The following ACSM3 variants were observed in gnomAD, a reference collection of about 807,000 sequenced individuals.
The protein encoded by ACSM3 is acyl-CoA synthetase medium chain family member 3, also known as acyl-coenzyme A synthetase ACSM3, mitochondrial.
A neutral mutation model predicts 74.1 loss-of-function variants in ACSM3; 61 were observed. The observed-to-expected ratio is 0.82, with a 90% CI of 0.67 to 1.02. ACSM3 has a LOEUF of 1.02. ACSM3 is among the 50% of genes least tolerant of loss of function. The pLI is 0.00. For synonymous variants in ACSM3, 213 were observed against 241.5 expected, an observed-to-expected ratio of 0.88 and a Z score of 1.09; for missense variants, 660 against 697.0, an observed-to-expected ratio of 0.95 and a Z score of 0.60.
rs975728689 is a variant in ACSM3 at position 20,722,634 on chromosome 16, A to T, written c.-189-27276A>T. Among the ~76,000 whole-genome samples the T allele has an allele frequency of 2.0e-5, 3 of 152,356 alleles. No individual in the cohort carries two copies. The East Asian group carries it at 5.8e-4, about 29-fold the overall frequency. ...AGAAGTGGAAAGGTTCCAGTAGTTT[A>T]ACTTATACATCCATAATCAATACTA... On this transcript the variant is annotated intron_variant, in intron 1 of 3. Transcript: ENST00000561584.
At chr16:20,706,820 C>T (rs2152368465) in intron 1 of ACSM3, among the ~76,000 whole-genome samples, 1 of 152,262 alleles carries the variant, frequency 6.6e-6, no homozygotes. Context: ...ATCTCAGCTG[C>T]AGTAAGCAAT....
At chr16:20,787,361 T>C (rs1392031555) in intron 9 of ACSM3, among the ~76,000 whole-genome samples, 2 of 152,204 alleles carry the variant, frequency 1.3e-5, no homozygotes, top group Admixed American at 1.3e-4. Flanking sequence ...CCATTTTAAT[T>C]CAGAGACCCA....
intron 1 of ACSM3, among the ~76,000 whole-genome samples, chr16:20,719,560 G>A (rs1469303768): frequency 2.6e-5 from 4 of 152,114 alleles, no homozygotes; most frequent in African/African-American, 9.7e-5. Flanking sequence ...AGAGTGGGGC[G>A]GGGTGGGGGA....
At chr16:20,709,506 T>C (rs2079737147) in intron 1 of ACSM3, among the ~76,000 whole-genome samples, 1 of 152,222 alleles carries the variant, frequency 6.6e-6, no homozygotes, top group Middle Eastern at 3.2e-3. Context: ...AGAAGAAAAC[T>C]GCCCCTAACC....
At chr16:20,744,487 C>T (rs539122363) in intron 1 of ACSM3, among the ~76,000 whole-genome samples, 3 of 152,128 alleles carry the variant, frequency 2.0e-5, no homozygotes, top group East Asian at 1.9e-4. Flanking sequence ...TGGGTTCAAG[C>T]GATTCTCCTG....
intron 1 of ACSM3, among the ~76,000 whole-genome samples, chr16:20,678,215 A>G (rs1020878559): frequency 6.6e-6 from 1 of 152,082 alleles, no homozygotes; most frequent in African/African-American, 2.4e-5. Flanking sequence ...AAAATTTTCC[A>G]GTGGGAGGCT....
At chr16:20,773,432 G>C (rs1385814806) in intron 2 of ACSM3, among the ~76,000 whole-genome samples, 2 of 151,954 alleles carry the variant, frequency 1.3e-5, no homozygotes, top group Admixed American at 1.3e-4. Context: ...CTGGTTCCTT[G>C]AGGTGCATTC....
chr16:20,767,033 G>T (rs994914735), intron 1 of ACSM3, among the ~76,000 whole-genome samples: 1 of 152,114 alleles, frequency 6.6e-6, no homozygotes, highest in Non-Finnish European at 1.5e-5. Context: ...GTGGGAGGCA[G>T]ATATTTTTTT....
intron 1 of ACSM3, among the ~76,000 whole-genome samples, chr16:20,727,906 G>GACTCC (rs2079812373): frequency 6.6e-6 from 1 of 152,134 alleles, no homozygotes; most frequent in South Asian, 2.1e-4. Context: ...CAAATTCTTG[G>GACTCC]ACTCCACTCC....
intron 1 of ACSM3, among the ~76,000 whole-genome samples, chr16:20,699,347 T>C (rs1354201491): frequency 6.6e-6 from 1 of 152,184 alleles, no homozygotes; most frequent in African/African-American, 2.4e-5. Context: ...AGTATTTTCA[T>C]TGAAGCTGGG....
At chr16:20,789,444 G>A (rs2080544852) in intron 9 of ACSM3, 1 of 1,455,724 alleles carries the variant, frequency 6.9e-7, no homozygotes, top group Non-Finnish European at 9.6e-7. Flanking sequence ...GAGGATTGGA[G>A]AGAGGGTAAG....
intron 1 of ACSM3, among the ~76,000 whole-genome samples, chr16:20,716,164 G>A (rs1256689146): frequency 1.3e-5 from 2 of 152,212 alleles, no homozygotes; most frequent in African/African-American, 2.4e-5. Context: ...TTCAAAGAGA[G>A]AGGACATATG....
chr16:20,693,530 T>TAAGTTA (rs2079674164), intron 1 of ACSM3, among the ~76,000 whole-genome samples: 2 of 152,206 alleles, frequency 1.3e-5, no homozygotes, highest in African/African-American at 4.8e-5. Flanking sequence ...CTTGCTCACT[T>TAAGTTA]TCAACAATGA....
intron 1 of ACSM3, among the ~76,000 whole-genome samples, chr16:20,718,838 C>A (rs1296999915): frequency 6.6e-6 from 1 of 152,188 alleles, no homozygotes; most frequent in African/African-American, 2.4e-5. Flanking sequence ...ATAGCATTTA[C>A]ACTATTTAAA....
At position 20,796,370 on chromosome 16, in the gene ACSM3, G is replaced by T. The variant is rs201313203; in HGVS notation, c.1555G>T (p.Val519Leu). 115 of 1,607,632 alleles carry T rather than the reference G, an allele frequency of 7.2e-5. 1 individual carries two copies. The Admixed American group carries it at 2.0e-3, about 28-fold the overall frequency. Residue 519 changes from valine (V) to leucine (L), a missense_variant and splice_region_variant, in exon 13 of 14, where the codon GTA becomes TTA. Coordinates refer to ENST00000289416, the MANE Select transcript of ACSM3 (RefSeq NM_005622.4). Reference protein sequence around the residue: ...VSSPDPIRGEVVKAFVVLNPD... With the variant: ...VSSPDPIRGELVKAFVVLNPD... Reference sequence around the variant, plus strand: ...CTGGTGTTTCAAATATTTATTTTAGGTAGTAAAGGCTTTTGTCGTTCTAAA... The same window carrying T: ...CTGGTGTTTCAAATATTTATTTTAGTTAGTAAAGGCTTTTGTCGTTCTAAA...
At chr16:20,718,186 C>T (rs1220916617) in intron 1 of ACSM3, 1 of 201,392 alleles carries the variant, frequency 5.0e-6, no homozygotes, top group East Asian at 1.1e-4. Context: ...TTCCAAGTCC[C>T]TCTAAGATTT....
chr16:20,786,432 AC>A, intron 9 of ACSM3: 2 of 546,032 alleles, frequency 3.7e-6, no homozygotes, highest in Non-Finnish European at 5.4e-6. Context: ...TGTAATCCCA[AC>A]ACTTTGGGAG....
At chr16:20,762,155 A>C (rs1273938745), upstream of ACSM3, among the ~76,000 whole-genome samples, 2 of 151,980 alleles carry the variant, frequency 1.3e-5, no homozygotes, top group Non-Finnish European at 2.9e-5. Flanking sequence ...TCAGTCTCTC[A>C]CTCTGCCTTA....
At chr16:20,685,514 G>A in intron 1 of ACSM3, 2 of 1,015,386 alleles carry the variant, frequency 2.0e-6, no homozygotes, top group South Asian at 2.7e-5. Context: ...CTTAAGGACT[G>A]AGATCCCATT....
Sources: allele counts gnomAD v4.1 joint callset (sites outside exome capture counted in the v4.1 genomes callset), GRCh38; gene constraint gnomAD v4.1.1; transcripts MANE v1.5; gene names NCBI Gene and HGNC (gene_info 2026-07-23, HGNC 2026-07-21).